PXDNL: variants seen among roughly 807,000 people sequenced by gnomAD.
PXDNL encodes the protein peroxidasin like.
In PXDNL, 145 loss-of-function variants were observed where a neutral mutation model predicts 150.8. That is an observed-to-expected ratio of 0.96 (90% confidence interval 0.84 to 1.10). The LOEUF is 1.10. PXDNL is among the 50% of genes least tolerant of loss of function. The probability of loss-of-function intolerance (pLI) is 0.00; values close to 1 mark genes in which losing one functional copy is unlikely to be tolerated. For synonymous variants in PXDNL, 757 were observed against 725.7 expected (o/e 1.04, Z -0.69); for missense variants, 2,087 against 1,873.9 (o/e 1.11, Z -2.10).
Position 51,457,602 on chromosome 8 carries a change from C to G in PXDNL, c.878G>C (p.Arg293Pro). The G allele has an allele frequency of 6.2e-7, 1 of 1,613,830 alleles. No individual in the cohort carries two copies. The highest frequency in any genetic ancestry group is 1.1e-5 in the South Asian group (1 of 91,066). ...NVFDDGTLMI[R>P]NTRESDQGVY... ...ACCTTGGTCTGACTCTCTGGTGTTT[C>G]GGATCATGAGTGTGCCATCATCAAA... The change falls in exon 9 of 23, where the codon CGA becomes CCA. Residue 293 changes from arginine (R) to proline (P), a missense_variant. Coordinates refer to ENST00000356297, the MANE Select transcript of PXDNL (RefSeq NM_144651.5).
intron 1 of PXDNL, among the ~76,000 whole-genome samples, chr8:51,754,573 A>G (rs1422042593): frequency 1.3e-5 from 2 of 151,850 alleles, no homozygotes; most frequent in Non-Finnish European, 1.5e-5. Flanking sequence ...GCGCGATCTC[A>G]GCTCACTGCA....
At chr8:51,354,009 T>G (rs1207034789) in intron 19 of PXDNL, among the ~76,000 whole-genome samples, 3 of 152,148 alleles carry the variant, frequency 2.0e-5, no homozygotes, top group Admixed American at 2.0e-4. Context: ...CTTTCAGTAA[T>G]TCTCTTAATG....
At chr8:51,545,485 AT>A (rs376282275) in intron 4 of PXDNL, among the ~76,000 whole-genome samples, 31 of 152,134 alleles carry the variant, frequency 2.0e-4, no homozygotes, top group African/African-American at 6.7e-4. Flanking sequence ...CTTAAAAAAA[AT>A]ATCACAGACT....
intron 1 of PXDNL, among the ~76,000 whole-genome samples, chr8:51,741,661 A>T (rs2036907841): frequency 6.6e-6 from 1 of 152,234 alleles, no homozygotes; most frequent in African/African-American, 2.4e-5. Context: ...ATGAAACAAA[A>T]TAGAGAACCC....
At chr8:51,374,870 A>G in intron 17 of PXDNL, 139 bp from the exon 18 acceptor site, 1 of 1,069,922 alleles carries the variant, frequency 9.3e-7, no homozygotes, top group South Asian at 1.7e-5. Flanking sequence ...TTCTCATTTC[A>G]TGGGGGAAAG....
At chr8:51,392,331 G>C (rs1374705791) in intron 17 of PXDNL, among the ~76,000 whole-genome samples, 1 of 151,986 alleles carries the variant, frequency 6.6e-6, no homozygotes, top group Non-Finnish European at 1.5e-5. Context: ...ACCTTGAGCA[G>C]TATGGCCATT....
intron 1 of PXDNL, among the ~76,000 whole-genome samples, chr8:51,752,412 T>C (rs905993973): frequency 2.0e-5 from 3 of 152,164 alleles, no homozygotes; most frequent in African/African-American, 7.2e-5. Context: ...TATGCAAGAC[T>C]CTTGGTGGGC....
chr8:51,326,261 G>T (rs1260658904), intron 21 of PXDNL, among the ~76,000 whole-genome samples: 2 of 152,188 alleles, frequency 1.3e-5, no homozygotes. Flanking sequence ...ACTTTGGGAG[G>T]CTGAGGCAGG....
chr8:51,615,447 G>A lies in PXDNL; in HGVS notation c.237-22749C>T, dbSNP rs916158870. On this transcript the variant is annotated intron_variant, in intron 2 of 22. Transcript: ENST00000356297. The stretch of plus-strand genomic sequence containing the variant: ...GTCAGACTACACCATATTTTCTCTT[G>A]AAATACATATTTCAGAATTAATCAA... 5.9e-5 allele frequency among the ~76,000 whole-genome samples: 9 copies of A among 151,976 alleles called. No homozygotes were observed. In the South Asian group the frequency reaches 8.3e-4, roughly 14 times the overall value.
At chr8:51,739,765 A>T (rs534627995) in intron 1 of PXDNL, among the ~76,000 whole-genome samples, 1 of 151,808 alleles carries the variant, frequency 6.6e-6, no homozygotes, top group African/African-American at 2.4e-5. Context: ...AGTCCCAGCT[A>T]CTCAGGAGGC....
chr8:51,757,728 A>G (rs1453636178), intron 1 of PXDNL, among the ~76,000 whole-genome samples: 3 of 152,160 alleles, frequency 2.0e-5, no homozygotes, highest in Non-Finnish European at 4.4e-5. Flanking sequence ...CAAATTTTAT[A>G]TGGGTCATGC....
intron 2 of PXDNL, among the ~76,000 whole-genome samples, chr8:51,628,391 TTTC>T (rs1814408896): frequency 8.5e-6 from 1 of 117,172 alleles, no homozygotes. Context: ...TCTGTTTTCT[TTTC>T]TTTTCTTTTT....
chr8:51,751,040 T>G lies in PXDNL; in HGVS notation c.164+58141A>C, dbSNP rs569721060. On this transcript the variant is annotated intron_variant, in intron 1 of 22. Transcript: ENST00000356297. The stretch of plus-strand genomic sequence containing the variant: ...GAGAAAATGCCAGTTATTTTTTTTT[T>G]GAAAAGTTTTAATTTTTATAGAGGA... 4.0e-5 allele frequency among the ~76,000 whole-genome samples: 6 copies of G among 151,278 alleles called. No homozygotes were observed. The East Asian group carries it at 9.9e-4, about 25-fold the overall frequency.
At chr8:51,712,771 T>C (rs1212943887) in intron 1 of PXDNL, among the ~76,000 whole-genome samples, 2 of 152,236 alleles carry the variant, frequency 1.3e-5, no homozygotes, top group African/African-American at 2.4e-5. Flanking sequence ...ATTGGGTTTA[T>C]TGAATTCCTG....
chr8:51,671,675 C>T (rs1041078417), intron 1 of PXDNL, among the ~76,000 whole-genome samples: 7 of 152,144 alleles, frequency 4.6e-5, no homozygotes, highest in African/African-American at 1.7e-4. Flanking sequence ...AGGACTGTGG[C>T]CCCAGACCAG....
chr8:51,633,403 G>T (rs1447185695), intron 2 of PXDNL, among the ~76,000 whole-genome samples: 1 of 152,074 alleles, frequency 6.6e-6, no homozygotes. Flanking sequence ...TTTCCTTTGG[G>T]TATATACCCT....
At position 51,396,117 on chromosome 8, in the gene PXDNL, A is replaced by C. The variant is rs184406075; in HGVS notation, c.3557+11950T>G. On this transcript the variant is annotated intron_variant, in intron 17 of 22. Transcript: ENST00000356297. ...GCAATAAACACAGCTACAGCAGGGA[A>C]CGCAGCTTCAGCAGTCCACCTATGC... is the stretch of plus-strand genomic sequence containing the variant. 2.1e-3 allele frequency among the ~76,000 whole-genome samples: 318 copies of C among 152,366 alleles called. 1 individual carries two copies. Among genetic ancestry groups the C allele is most frequent in the African/African-American group, 7.0e-3 (293 of 41,590 alleles).
intron 1 of PXDNL, among the ~76,000 whole-genome samples, chr8:51,760,032 T>C (rs2037145096): frequency 6.6e-6 from 1 of 152,228 alleles, no homozygotes; most frequent in Non-Finnish European, 1.5e-5. Context: ...GAAACTCGAA[T>C]TCCCTAATAA....
chr8:51,779,187 C>T (rs185919176), intron 1 of PXDNL, among the ~76,000 whole-genome samples: 3 of 152,310 alleles, frequency 2.0e-5, no homozygotes, highest in East Asian at 1.9e-4. Context: ...TTGATAGCTT[C>T]CCATCAGTAC....
Sources: gnomAD v4.1 joint callset for allele counts (sites outside exome capture counted in the v4.1 genomes callset) on GRCh38, gnomAD v4.1.1 for gene constraint, MANE v1.5 for transcripts, NCBI Gene and HGNC (gene_info 2026-07-23, HGNC 2026-07-21) for gene names.